Variants in PCGF5 observed in about 807,000 individuals in gnomAD.
PCGF5 encodes polycomb group RING finger protein 5.
PCGF5 carries 9 observed loss-of-function variants against 44.3 expected under a neutral mutation model. The observed-to-expected ratio is 0.20, with a 90% CI of 0.12 to 0.35. PCGF5 has a LOEUF of 0.35. PCGF5 is among the 10% of genes least tolerant of loss of function. The probability of loss-of-function intolerance (pLI) is 1.00; values close to 1 mark genes in which losing one functional copy is unlikely to be tolerated. For missense variants in PCGF5, 146 were observed against 305.3 expected, an observed-to-expected ratio of 0.48 and a Z score of 3.89; for synonymous variants, 95 against 102.5, an observed-to-expected ratio of 0.93 and a Z score of 0.44.
intron 1 of PCGF5, among the ~76,000 whole-genome samples, chr10:91,208,393 A>G (rs1026702998): frequency 6.6e-6 from 1 of 152,118 alleles, no homozygotes; most frequent in Non-Finnish European, 1.5e-5. Flanking sequence ...TCCGGGAGTA[A>G]GAGACATTTT....
intron 1 of PCGF5, among the ~76,000 whole-genome samples, chr10:91,193,985 C>G (rs1324506425): frequency 6.6e-6 from 1 of 152,104 alleles, no homozygotes; most frequent in Non-Finnish European, 1.5e-5. Context: ...TCCTTGGGTT[C>G]AGGCCTGAAT....
intron 2 of PCGF5, among the ~76,000 whole-genome samples, chr10:91,233,408 C>CA (rs540245841): frequency 1.7e-4 from 26 of 151,246 alleles, no homozygotes; most frequent in African/African-American, 6.1e-4. Flanking sequence ...TTTGTCTTAG[C>CA]AAAAAATAAA....
chr10:91,162,946 C>T (rs1843415223), upstream of PCGF5: 1 of 145,524 alleles, frequency 6.9e-6, no homozygotes, highest in Admixed American at 6.8e-5. Context: ...CAGCCCCCGC[C>T]CCGCGCCGCT....
At chr10:91,229,175 C>G (rs1014321261) in intron 2 of PCGF5, among the ~76,000 whole-genome samples, 1 of 152,180 alleles carries the variant, frequency 6.6e-6, no homozygotes, top group Non-Finnish European at 1.5e-5. Flanking sequence ...TAAGCATCAA[C>G]AGATGTTCAT....
rs557139326 is a variant in PCGF5 at position 91,279,031 on chromosome 10, A to G, written c.*715A>G. 6.5e-6 allele frequency: 1 copy of G among 152,688 alleles called. No homozygotes were observed. The allele number at this position is 152,688 out of a possible 1,614,324, so 9.5% of individuals were successfully genotyped here. ...TGAAGTTAGATTCCCAACCATTCAA[A>G]ATGTTGGCAGCTGATCACATTTACT... On this transcript the variant is annotated 3_prime_UTR_variant, in exon 10 of 10. Coordinates refer to ENST00000336126, the MANE Select transcript of PCGF5 (RefSeq NM_032373.5).
chr10:91,247,204 A>G (rs906231869), intron 3 of PCGF5, among the ~76,000 whole-genome samples: 4 of 151,990 alleles, frequency 2.6e-5, no homozygotes, highest in Non-Finnish European at 5.9e-5. Flanking sequence ...AACAAAGGAA[A>G]TTTTCAGGGA....
At chr10:91,162,948 C>T (rs1843415333), upstream of PCGF5, 1 of 145,482 alleles carries the variant, frequency 6.9e-6, no homozygotes, top group Non-Finnish European at 1.5e-5. Context: ...GCCCCCGCCC[C>T]GCGCCGCTCG....
intron 8 of PCGF5, among the ~76,000 whole-genome samples, chr10:91,271,103 T>TATATATATATATAATCTA (rs1491545775): frequency 0.042 from 5,694 of 134,044 alleles, 354 homozygotes; most frequent in African/African-American, 0.16. Flanking sequence ...GATCTAATGC[T>TATATATATATATAATCTA]ATATATATAT....
rs994895924 is a variant in PCGF5 at position 91,284,267 on chromosome 10, A to G, written c.*5951A>G. On this transcript the variant is annotated 3_prime_UTR_variant, in exon 10 of 10. Transcript: ENST00000336126. ...TAAAAATTAAATTGCATAATTTATT[A>G]TTGTTTGTCATCTTTAATATTAGTC... 1 of 152,434 alleles carries G rather than the reference A, an allele frequency of 6.6e-6. No individual in the cohort carries two copies. The highest frequency in any genetic ancestry group is 2.4e-5 in the African/African-American group (1 of 41,364). The allele number at this position is 152,434 out of a possible 1,614,324, so 9.4% of individuals were successfully genotyped here.
At chr10:91,227,858 T>G in intron 2 of PCGF5, 1 of 980,994 alleles carries the variant, frequency 1.0e-6, no homozygotes, top group Non-Finnish European at 1.2e-6. Context: ...CAGTTACCCA[T>G]CCTTTAAAAC....
intron 1 of PCGF5, among the ~76,000 whole-genome samples, chr10:91,211,400 C>T (rs1313956986): frequency 3.9e-5 from 6 of 152,182 alleles, no homozygotes; most frequent in Admixed American, 3.9e-4. Flanking sequence ...GTTACTCTTA[C>T]TGTATTGCTA....
At chr10:91,240,751 T>C (rs1436973641) in intron 3 of PCGF5, among the ~76,000 whole-genome samples, 171 bp downstream of exon 3, 3 of 152,088 alleles carry the variant, frequency 2.0e-5, no homozygotes, top group Non-Finnish European at 4.4e-5. Context: ...GTATTAAAAA[T>C]AAGGTTTTAC....
At chr10:91,268,717 A>G (rs1846105033) in intron 8 of PCGF5, among the ~76,000 whole-genome samples, 1 of 152,162 alleles carries the variant, frequency 6.6e-6, no homozygotes, top group Non-Finnish European at 1.5e-5. Flanking sequence ...TTTCTCAAGA[A>G]TAGTGGAGTA....
intron 1 of PCGF5, among the ~76,000 whole-genome samples, chr10:91,197,763 T>C (rs988629274): frequency 6.6e-6 from 1 of 152,182 alleles, no homozygotes; most frequent in African/African-American, 2.4e-5. Flanking sequence ...CAGTACACTT[T>C]CATTTTGTTA....
chr10:91,268,104 G>A (rs929425593), intron 8 of PCGF5, among the ~76,000 whole-genome samples: 1 of 152,182 alleles, frequency 6.6e-6, no homozygotes, highest in South Asian at 2.1e-4. Context: ...GTGTATATGT[G>A]TGTGTGTGCA....
chr10:91,182,355 T>C (rs1843835818), intron 1 of PCGF5, among the ~76,000 whole-genome samples: 1 of 152,206 alleles, frequency 6.6e-6, no homozygotes, highest in African/African-American at 2.4e-5. Context: ...TAGAGGTGTT[T>C]ATAATATTCT....
intron 1 of PCGF5, among the ~76,000 whole-genome samples, chr10:91,212,094 CAAT>C (rs1037883296): frequency 6.6e-5 from 10 of 152,104 alleles, no homozygotes; most frequent in Admixed American, 3.9e-4. Flanking sequence ...ATAAATGAAA[CAAT>C]AATGATATAA....
At chr10:91,205,535 C>T (rs139012124) in intron 1 of PCGF5, among the ~76,000 whole-genome samples, 3 of 152,290 alleles carry the variant, frequency 2.0e-5, no homozygotes, top group African/African-American at 7.2e-5. Flanking sequence ...TGATGAGTTT[C>T]TCAGGCCAGG....
At chr10:91,177,747 C>T (rs547265692) in intron 1 of PCGF5, among the ~76,000 whole-genome samples, 152 of 152,310 alleles carry the variant, frequency 1.0e-3, no homozygotes, top group African/African-American at 3.2e-3. Context: ...TTGCTAAGAC[C>T]GTCGGAAAAG....
Sources: gnomAD v4.1 joint callset for allele counts (sites outside exome capture counted in the v4.1 genomes callset) on GRCh38, gnomAD v4.1.1 for gene constraint, MANE v1.5 for transcripts, NCBI Gene and HGNC (gene_info 2026-07-23, HGNC 2026-07-21) for gene names.